Variants in ZNF329 observed in about 807,000 individuals in gnomAD.
The protein encoded by ZNF329 is zinc finger protein 329.
ZNF329 carries 15 observed loss-of-function variants against 26.6 expected under a neutral mutation model. The ratio of observed to expected loss-of-function variants is 0.56; its 90% CI spans 0.38 to 0.87. The LOEUF is 0.87. ZNF329 is among the 40% of genes least tolerant of loss of function. The pLI is 0.00. For missense variants in ZNF329, 651 were observed against 651.9 expected (o/e 1.00, Z 0.02); for synonymous variants, 239 against 233.5 (o/e 1.02, Z -0.21).
At chr19:58,150,729 C>T (rs753713253) in intron 1 of ZNF329, 23 bp downstream of exon 1, 1 of 152,750 alleles carries the variant, frequency 6.5e-6, no homozygotes, top group African/African-American at 2.4e-5. Context: ...CAGCGCAGGG[C>T]TCAGGGATGC....
At chr19:58,143,847 G>A (rs181212214) in intron 1 of ZNF329, among the ~76,000 whole-genome samples, 141 of 152,160 alleles carry the variant, frequency 9.3e-4, no homozygotes, top group African/African-American at 2.9e-3. Flanking sequence ...TTGGGAGGCC[G>A]AGGCAAGTGG....
chr19:58,139,265 TTTATA>T (rs755107969), intron 3 of ZNF329, among the ~76,000 whole-genome samples: 9 of 151,962 alleles, frequency 5.9e-5, no homozygotes, highest in Non-Finnish European at 1.0e-4. Context: ...GGAGAAAATA[TTTATA>T]TTATGTGTAT....
At chr19:58,155,096 C>T (rs909902183), upstream of ZNF329, 8 of 152,390 alleles carry the variant, frequency 5.2e-5, no homozygotes, top group Non-Finnish European at 1.2e-4. Context: ...GGACGCCGGA[C>T]CCTCCATTGC....
At chr19:58,138,443 A>G (rs2075117520) in intron 3 of ZNF329, among the ~76,000 whole-genome samples, 1 of 152,200 alleles carries the variant, frequency 6.6e-6, no homozygotes, top group Non-Finnish European at 1.5e-5. Flanking sequence ...GACACTTGCT[A>G]TGTACACAGC....
At position 58,144,848 on chromosome 19, in the gene ZNF329, TTC is replaced by T. The variant is rs371039779; in HGVS notation, c.-207-1652_-207-1651del. On this transcript the variant is annotated intron_variant, in intron 1 of 3. Coordinates refer to ENST00000598312, the MANE Select transcript of ZNF329 (RefSeq NM_024620.4). ...TGCCATCACACCTGGATAATTTTTT[TTC>T]TTTTTTTTTTTTTTTTTGATACAGA... Among the ~76,000 whole-genome samples, 6 of 122,752 alleles carry T rather than the reference TTC, an allele frequency of 4.9e-5. No homozygotes were observed. In the East Asian group the frequency reaches 1.3e-3, roughly 27 times the overall value. The allele number at this position is 122,752 out of a possible 152,430, so 80.5% of individuals were successfully genotyped here.
chr19:58,149,578 T>C (rs930129104), intron 1 of ZNF329, among the ~76,000 whole-genome samples: 7 of 151,982 alleles, frequency 4.6e-5, no homozygotes, highest in Non-Finnish European at 5.9e-5. Flanking sequence ...CTTTTCAAAA[T>C]GAAAAGTTGG....
At chr19:58,141,811 T>C (rs2075195397) in intron 3 of ZNF329, among the ~76,000 whole-genome samples, 1 of 151,592 alleles carries the variant, frequency 6.6e-6, no homozygotes, top group Non-Finnish European at 1.5e-5. Flanking sequence ...GAGAATCGCT[T>C]GAACCCAAGA....
At chr19:58,134,441 G>A (rs2075020191) in intron 3 of ZNF329, among the ~76,000 whole-genome samples, 1 of 152,206 alleles carries the variant, frequency 6.6e-6, no homozygotes, top group African/African-American at 2.4e-5. Flanking sequence ...TGGCCTTGAT[G>A]GGTCAGATAA....
At chr19:58,153,451 T>G (rs763011153), upstream of ZNF329, among the ~76,000 whole-genome samples, 2 of 152,194 alleles carry the variant, frequency 1.3e-5, no homozygotes, top group African/African-American at 4.8e-5. Context: ...GCAATCTTTT[T>G]CTGTGAAAAG....
At chr19:58,137,034 C>A in intron 3 of ZNF329, 1 of 184,798 alleles carries the variant, frequency 5.4e-6, no homozygotes. Flanking sequence ...GTAAGTCCCA[C>A]CTTCAACACC....
chr19:58,138,781 G>A (rs1214473157), intron 3 of ZNF329, among the ~76,000 whole-genome samples: 4 of 152,114 alleles, frequency 2.6e-5, no homozygotes, highest in South Asian at 4.2e-4. Flanking sequence ...CTGATCACAT[G>A]AGGCCAGGAG....
At position 58,128,009 on chromosome 19, in the gene ZNF329, C is replaced by A; in HGVS notation, c.1495G>T (p.Ala499Ser). ...GKSFKQNSHL[A>S]VHQRLHSREG... Reference sequence around the variant, plus strand: ...CTGCTATGGAGTCTCTGATGTACTGCCAGGTGAGAGTTCTGCTTGAAGGAC... The same window carrying A: ...CTGCTATGGAGTCTCTGATGTACTGACAGGTGAGAGTTCTGCTTGAAGGAC... Residue 499 changes from alanine to serine, a missense_variant, in exon 4 of 4, where the codon GCA (alanine) becomes TCA (serine). Ala to Ser is a moderately conservative substitution (Grantham distance 99). Coordinates refer to ENST00000598312, the MANE Select transcript of ZNF329 (RefSeq NM_024620.4). The A allele has an allele frequency of 3.1e-6, 5 of 1,614,004 alleles. No homozygotes were observed. Among genetic ancestry groups the A allele is most frequent in the Non-Finnish European group, 4.2e-6 (5 of 1,180,018 alleles).
At chr19:58,149,186 C>A (rs1353207181) in intron 1 of ZNF329, among the ~76,000 whole-genome samples, 4 of 152,182 alleles carry the variant, frequency 2.6e-5, no homozygotes, top group African/African-American at 9.6e-5. Flanking sequence ...CAGGAAGTTA[C>A]CCTATATGGC....
chr19:58,129,402 TA>T lies in ZNF329; in HGVS notation c.101del (p.Leu34Ter), dbSNP rs1568658666. 1 of 1,614,176 alleles carries T rather than the reference TA, an allele frequency of 6.2e-7. No individual in the cohort carries two copies. Among genetic ancestry groups the T allele is most frequent in the Admixed American group, 1.7e-5 (1 of 60,012 alleles). ...GGTTCTCACAGTCCCAACCATCACC[TA>T]AACTGGACAAGCAGGGAACTTCCCT... Reference protein sequence around the residue: ...FTREVPCLSSLGDGWDCENQE... With the variant: ...FTREVPCLSSXGDGWDCENQE... On this transcript the variant is annotated frameshift_variant, in exon 4 of 4. Coordinates refer to ENST00000598312, the MANE Select transcript of ZNF329 (RefSeq NM_024620.4). LOFTEE classifies it low-confidence loss of function (END_TRUNC).
At chr19:58,141,274 T>C (rs1360686606) in intron 3 of ZNF329, among the ~76,000 whole-genome samples, 1 of 151,756 alleles carries the variant, frequency 6.6e-6, no homozygotes, top group Non-Finnish European at 1.5e-5. Flanking sequence ...GGGATTACAG[T>C]TGTGAGCCAC....
intron 1 of ZNF329, among the ~76,000 whole-genome samples, chr19:58,146,543 CTCCCTCTCCCCACGGT>C (rs2075313374): frequency 7.1e-6 from 1 of 140,628 alleles, no homozygotes; most frequent in African/African-American, 3.2e-5. Context: ...CCCTCCCCCT[CTCCCTCTCCCCACGGT>C]CTCCCTCTCC....
At chr19:58,144,850 CTTTTT>C (rs71188086) in intron 1 of ZNF329, among the ~76,000 whole-genome samples, 2 of 120,330 alleles carry the variant, frequency 1.7e-5, no homozygotes, top group African/African-American at 3.0e-5. Context: ...AATTTTTTTT[CTTTTT>C]TTTTTTTTTT....
intron 3 of ZNF329, among the ~76,000 whole-genome samples, chr19:58,136,468 G>C (rs1459231416): frequency 6.6e-6 from 1 of 151,902 alleles, no homozygotes; most frequent in Non-Finnish European, 1.5e-5. Context: ...GAAGCCAGGA[G>C]TTTGAAACCA....
chr19:58,136,242 GA>G (rs573232738), intron 3 of ZNF329, among the ~76,000 whole-genome samples: 13 of 146,476 alleles, frequency 8.9e-5, no homozygotes, highest in Admixed American at 2.7e-4. Flanking sequence ...AAAAAAAAAA[GA>G]AAAAAAAGAA....
Sources: allele counts gnomAD v4.1 joint callset (sites outside exome capture counted in the v4.1 genomes callset), GRCh38; gene constraint gnomAD v4.1.1; transcripts MANE v1.5; gene names NCBI Gene and HGNC (gene_info 2026-07-23, HGNC 2026-07-21).